DPP10: variants seen among roughly 807,000 people sequenced by gnomAD.
DPP10 encodes the protein inactive dipeptidyl peptidase 10.
A neutral mutation model predicts 120.9 loss-of-function variants in DPP10; 33 were observed. The ratio of observed to expected loss-of-function variants is 0.27; its 90% confidence interval spans 0.21 to 0.37. The LOEUF (loss-of-function observed/expected upper bound fraction) is 0.37, where lower values mean the gene tolerates loss of function less well. DPP10 is among the 10% of genes least tolerant of loss of function. The pLI, the probability that DPP10 is intolerant of heterozygous loss-of-function variation, is 1.00. For synonymous variants in DPP10, 337 were observed against 326.1 expected (o/e 1.03, Z -0.36); for missense variants, 816 against 942.8 (o/e 0.87, Z 1.76).
intron 3 of DPP10, among the ~76,000 whole-genome samples, chr2:115,362,296 G>A (rs1001541373): frequency 1.3e-5 from 2 of 152,110 alleles, no homozygotes; most frequent in African/African-American, 2.4e-5. Context: ...GGCAACTAAG[G>A]CCAGATACCA....
chr2:115,109,346 G>C (rs1480056145), intron 1 of DPP10, among the ~76,000 whole-genome samples: 1 of 152,016 alleles, frequency 6.6e-6, no homozygotes, highest in African/African-American at 2.4e-5. Context: ...GACCATCCTG[G>C]CCAACATGGT....
intron 1 of DPP10, among the ~76,000 whole-genome samples, chr2:114,476,981 C>G (rs937703694): frequency 1.3e-5 from 2 of 150,262 alleles, no homozygotes; most frequent in Admixed American, 6.6e-5. Flanking sequence ...TTTTTTGAGT[C>G]AGAGTTTCAC....
intron 1 of DPP10, among the ~76,000 whole-genome samples, chr2:114,943,837 C>T (rs1697152827): frequency 6.6e-6 from 1 of 152,128 alleles, no homozygotes; most frequent in African/African-American, 2.4e-5. Flanking sequence ...TATTTCTTTT[C>T]ATTGTTTTTA....
At chr2:114,958,260 A>T (rs1052475160) in intron 1 of DPP10, among the ~76,000 whole-genome samples, 1 of 152,198 alleles carries the variant, frequency 6.6e-6, no homozygotes, top group Non-Finnish European at 1.5e-5. Context: ...AGTATGGCTG[A>T]TGGGATTGGC....
intron 1 of DPP10, among the ~76,000 whole-genome samples, chr2:114,477,933 A>G (rs185481022): frequency 6.7e-5 from 10 of 150,018 alleles, no homozygotes; most frequent in African/African-American, 2.2e-4. Context: ...ATATGTACAT[A>G]TGTGTATATA....
At chr2:115,087,051 A>ACAAG (rs1458467435) in intron 1 of DPP10, among the ~76,000 whole-genome samples, 3 of 152,208 alleles carry the variant, frequency 2.0e-5, no homozygotes, top group African/African-American at 7.2e-5. Flanking sequence ...TGGTTGCAAA[A>ACAAG]CAAGCATTCT....
At chr2:115,741,855 G>T (rs973575424) in intron 9 of DPP10, among the ~76,000 whole-genome samples, 2 of 151,970 alleles carry the variant, frequency 1.3e-5, no homozygotes, top group Admixed American at 6.6e-5. Flanking sequence ...TCATAATTTT[G>T]ACTAGATTGA....
At chr2:114,998,072 G>C (rs1306845277) in intron 1 of DPP10, among the ~76,000 whole-genome samples, 1 of 152,100 alleles carries the variant, frequency 6.6e-6, no homozygotes, top group Non-Finnish European at 1.5e-5. Flanking sequence ...TTCTCACTCT[G>C]AATTTATACA....
intron 1 of DPP10, among the ~76,000 whole-genome samples, chr2:114,690,932 T>C (rs1699700485): frequency 6.6e-6 from 1 of 152,116 alleles, no homozygotes; most frequent in Non-Finnish European, 1.5e-5. Context: ...CCTGAGACTT[T>C]GCTGAAGTTG....
chr2:115,274,532 C>T (rs1245735729), intron 1 of DPP10, among the ~76,000 whole-genome samples: 1 of 151,930 alleles, frequency 6.6e-6, no homozygotes, highest in African/African-American at 2.4e-5. Flanking sequence ...ATAGCGTGTC[C>T]CCTGCCAAAA....
At chr2:115,769,252 A>G (rs1681167574) in intron 13 of DPP10, among the ~76,000 whole-genome samples, 1 of 152,074 alleles carries the variant, frequency 6.6e-6, no homozygotes, top group African/African-American at 2.4e-5. Context: ...ACTAGCTAAG[A>G]GTAATTTCAT....
chr2:115,094,314 C>T (rs937224449), intron 1 of DPP10, among the ~76,000 whole-genome samples: 2 of 152,040 alleles, frequency 1.3e-5, no homozygotes, highest in African/African-American at 4.8e-5. Flanking sequence ...GTGGATGTTA[C>T]GCAGTTTCTA....
At chr2:115,242,746 G>A (rs1027928802) in intron 1 of DPP10, among the ~76,000 whole-genome samples, 6 of 150,326 alleles carry the variant, frequency 4.0e-5, no homozygotes, top group Admixed American at 1.3e-4. Flanking sequence ...TTTGATTGGC[G>A]TTTCCCTGGT....
intron 1 of DPP10, among the ~76,000 whole-genome samples, chr2:115,148,018 G>T (rs906055247): frequency 1.3e-5 from 2 of 152,088 alleles, no homozygotes; most frequent in East Asian, 1.9e-4. Context: ...CACATGAAGA[G>T]AAGCCATCCT....
At chr2:115,554,674 C>T (rs2080100052) in intron 5 of DPP10, among the ~76,000 whole-genome samples, 1 of 152,086 alleles carries the variant, frequency 6.6e-6, no homozygotes, top group South Asian at 2.1e-4. Context: ...TTCTTAAGCA[C>T]ACATACACCA....
chr2:115,446,970 T>C (rs1370108491), intron 3 of DPP10, among the ~76,000 whole-genome samples: 1 of 152,174 alleles, frequency 6.6e-6, no homozygotes, highest in Non-Finnish European at 1.5e-5. Flanking sequence ...ATGACAGTGC[T>C]CTTGCTCTAT....
chr2:115,378,602 G>A (rs1285428044), intron 3 of DPP10, among the ~76,000 whole-genome samples: 1 of 150,110 alleles, frequency 6.7e-6, no homozygotes, highest in Non-Finnish European at 1.5e-5. Flanking sequence ...GAATAGGAGT[G>A]GTGAGAGAGG....
At chr2:114,578,622 A>T (rs565384450) in intron 1 of DPP10, among the ~76,000 whole-genome samples, 2 of 152,328 alleles carry the variant, frequency 1.3e-5, no homozygotes, top group South Asian at 4.1e-4. Context: ...GAAGGAACTT[A>T]AACTGTCAGC....
chr2:115,441,368 G>A (rs1022430558), intron 3 of DPP10, among the ~76,000 whole-genome samples: 2 of 152,130 alleles, frequency 1.3e-5, no homozygotes, highest in African/African-American at 4.8e-5. Flanking sequence ...TTTGATATGA[G>A]ATCTTGTAAT....
Sources: gnomAD v4.1 joint callset for allele counts (sites outside exome capture counted in the v4.1 genomes callset) on GRCh38, gnomAD v4.1.1 for gene constraint, MANE v1.5 for transcripts, NCBI Gene and HGNC (gene_info 2026-07-23, HGNC 2026-07-21) for gene names.